CLUAP1: variants seen among roughly 807,000 people sequenced by gnomAD.
CLUAP1 encodes the protein intraflagellar transport 38.
Under a neutral mutation model 55.0 loss-of-function variants are expected in CLUAP1, and 50 were observed. That is an observed-to-expected ratio of 0.91 (90% confidence interval 0.72 to 1.15). The LOEUF is 1.15. CLUAP1 is among the 50% of genes most tolerant of loss of function. The pLI is 0.00. For synonymous variants in CLUAP1, 195 were observed against 175.4 expected (o/e 1.11, Z -0.88); for missense variants, 530 against 507.6 (o/e 1.04, Z -0.42).
chr16:3,531,866 C>A (rs956804860), intron 10 of CLUAP1, among the ~76,000 whole-genome samples: 1 of 148,906 alleles, frequency 6.7e-6, no homozygotes, highest in African/African-American at 2.5e-5. Flanking sequence ...CTTTTTGAGA[C>A]AAAGTCTCGC....
upstream of CLUAP1, chr16:3,496,740 G>A (rs2037316270): frequency 3.9e-6 from 2 of 516,584 alleles, no homozygotes; most frequent in African/African-American, 3.9e-5. Context: ...CGCGCCAGAG[G>A]CCTACGGGCC....
chr16:3,531,408 G>C (rs2038115508), intron 10 of CLUAP1, among the ~76,000 whole-genome samples: 1 of 152,134 alleles, frequency 6.6e-6, no homozygotes, highest in African/African-American at 2.4e-5. Context: ...CATAGTCCCA[G>C]CTACTCGGGA....
rs991860207 is a variant in CLUAP1 at position 3,532,683 on chromosome 16, A to G, written c.1037-103A>G. The G allele has an allele frequency of 5.7e-6, 7 of 1,221,922 alleles. No individual in the cohort carries two copies. The Admixed American group carries it at 1.3e-4, about 23-fold the overall frequency. 75.7% of individuals were successfully genotyped at this position (1,221,922 alleles called of 1,614,324 possible). On this transcript the variant is annotated intron_variant, in intron 10 of 11. Coordinates refer to ENST00000576634, the MANE Select transcript of CLUAP1 (RefSeq NM_015041.3). ...CAGCCTCCCAAATTCCTGGGATTATACGCAAAAGCCAACATGCCTGGCCAG... is the reference window on the plus strand; with the variant it reads ...CAGCCTCCCAAATTCCTGGGATTATGCGCAAAAGCCAACATGCCTGGCCAG...
intron 9 of CLUAP1, 82 bp downstream of exon 9, chr16:3,526,566 T>C (rs1446827543): frequency 5.4e-6 from 4 of 743,802 alleles, no homozygotes; most frequent in East Asian, 7.8e-5. Context: ...GATATATATA[T>C]ATTTTTTAAT....
At chr16:3,519,723 G>A (rs2037797454) in intron 6 of CLUAP1, among the ~76,000 whole-genome samples, 180 bp from the exon 7 acceptor site, 1 of 152,184 alleles carries the variant, frequency 6.6e-6, no homozygotes, top group Admixed American at 6.5e-5. Context: ...CTGGACCTGT[G>A]TGACATTCTC....
At chr16:3,529,822 A>G (rs1253495876) in intron 9 of CLUAP1, among the ~76,000 whole-genome samples, 2 of 34,202 alleles carry the variant, frequency 5.8e-5, no homozygotes, top group East Asian at 9.2e-4. Context: ...ATTATAATAT[A>G]ATATATTATA....
chr16:3,524,473 T>C (rs1389201335), intron 8 of CLUAP1, among the ~76,000 whole-genome samples: 2 of 151,446 alleles, frequency 1.3e-5, no homozygotes, highest in Non-Finnish European at 2.9e-5. Context: ...GGCGGGCACC[T>C]GTAATCCCAG....
intron 10 of CLUAP1, 99 bp downstream of exon 10, chr16:3,530,774 CG>C (rs1228938699): frequency 1.2e-6 from 1 of 846,826 alleles, no homozygotes; most frequent in Admixed American, 2.4e-5. Flanking sequence ...GGCCCACAAG[CG>C]TGCTGCGAAT....
At chr16:3,521,411 A>G (rs2037829570) in intron 7 of CLUAP1, among the ~76,000 whole-genome samples, 1 of 151,528 alleles carries the variant, frequency 6.6e-6, no homozygotes, top group Admixed American at 6.6e-5. Context: ...GCAAACCAGT[A>G]TAGATTTTTA....
chr16:3,526,893 G>T (rs1011504699), intron 9 of CLUAP1, among the ~76,000 whole-genome samples: 6 of 152,178 alleles, frequency 3.9e-5, no homozygotes, highest in Non-Finnish European at 8.8e-5. Context: ...GTAGGGTTCT[G>T]TATTTTCAGG....
chr16:3,520,144 G>A lies in CLUAP1; in HGVS notation c.713+108G>A, dbSNP rs184696148. On this transcript the variant is annotated intron_variant, in intron 7 of 11. Transcript: ENST00000576634. ...TCTCAGCTACTCATGAAGCTGGGGC[G>A]GGGGGTTCTCTTGAGCCCAGGAGTT... is the stretch of plus-strand genomic sequence containing the variant. 2.1e-4 allele frequency: 240 copies of A among 1,147,900 alleles called. No individual in the cohort carries two copies. The African/African-American group carries it at 3.3e-3, about 16-fold the overall frequency. The allele number at this position is 1,147,900 out of a possible 1,614,324, so 71.1% of individuals were successfully genotyped here. A position where few individuals can be genotyped will look rare whatever the true frequency, so the allele number is the denominator to read the frequency against.
chr16:3,496,397 C>T (rs1021047697), upstream of CLUAP1: 14 of 1,078,798 alleles, frequency 1.3e-5, no homozygotes, highest in Admixed American at 9.2e-5. Context: ...GTCCGTTTCC[C>T]GGATGATCCG....
rs540965472 is a variant in CLUAP1 at position 3,512,790 on chromosome 16, C to T, written c.495+312C>T. On this transcript the variant is annotated intron_variant, in intron 5 of 11. Coordinates refer to ENST00000576634, the MANE Select transcript of CLUAP1 (RefSeq NM_015041.3). ...CCGCCTCCCAGGTTCACGCCATTCT[C>T]CTGCCTCAGCCTCCCAAGTAGCTGG... 3.3e-5 allele frequency among the ~76,000 whole-genome samples: 5 copies of T among 152,308 alleles called. No individual in the cohort carries two copies. The South Asian group carries it at 1.0e-3, about 32-fold the overall frequency.
chr16:3,530,712 C>G (rs1290787867), intron 10 of CLUAP1, 37 bp downstream of exon 10: 17 of 1,536,734 alleles, frequency 1.1e-5, no homozygotes, highest in Non-Finnish European at 1.5e-5. Context: ...CCTCCCTGCG[C>G]CCTGTTTCAC....
chr16:3,505,976 C>G (rs781608485), intron 2 of CLUAP1, among the ~76,000 whole-genome samples: 4 of 152,226 alleles, frequency 2.6e-5, no homozygotes, highest in Non-Finnish European at 4.4e-5. Context: ...AATAACTTCA[C>G]CAACTCTGCT....
chr16:3,527,516 T>A (rs1201781341), intron 9 of CLUAP1, among the ~76,000 whole-genome samples: 1 of 152,030 alleles, frequency 6.6e-6, no homozygotes, highest in Non-Finnish European at 1.5e-5. Flanking sequence ...AAACACCTGC[T>A]ACTTAGCAGA....
At chr16:3,503,516 T>C (rs1344388735) in intron 1 of CLUAP1, among the ~76,000 whole-genome samples, 1 of 152,134 alleles carries the variant, frequency 6.6e-6, no homozygotes, top group Non-Finnish European at 1.5e-5. Flanking sequence ...AGGCTGGTCT[T>C]GAACTCCTGA....
At chr16:3,496,848 G>GACCT (rs2037318096), upstream of CLUAP1, 2 of 270,402 alleles carry the variant, frequency 7.4e-6, no homozygotes, top group Non-Finnish European at 1.5e-5. Context: ...TGTCACAGAC[G>GACCT]ACCTGATTTT....
chr16:3,501,978 A>C (rs1378022123), intron 1 of CLUAP1: 1 of 152,202 alleles, frequency 6.6e-6, no homozygotes, highest in Non-Finnish European at 1.5e-5. Context: ...GAGGTCAGGT[A>C]ACTTGGGCAG....
Sources: gnomAD v4.1 joint callset for allele counts (sites outside exome capture counted in the v4.1 genomes callset) on GRCh38, gnomAD v4.1.1 for gene constraint, MANE v1.5 for transcripts, NCBI Gene and HGNC (gene_info 2026-07-23, HGNC 2026-07-21) for gene names.